TPRG1: variants seen among roughly 807,000 people sequenced by gnomAD.
The protein encoded by TPRG1 is tumor protein p63-regulated gene 1 protein.
In TPRG1, 29 loss-of-function variants were observed where a neutral mutation model predicts 29.3. That is an observed-to-expected ratio of 0.99 (90% confidence interval 0.74 to 1.35). TPRG1 has a LOEUF of 1.35. TPRG1 is among the 40% of genes most tolerant of loss of function. The pLI is 0.00. For missense variants in TPRG1, 327 were observed against 335.0 expected, an observed-to-expected ratio of 0.98 and a Z score of 0.19; for synonymous variants, 130 against 116.8, an observed-to-expected ratio of 1.11 and a Z score of -0.73.
intron 2 of TPRG1, chr3:189,004,454 A>G (rs2152121712): frequency 1.3e-5 from 2 of 152,236 alleles, no homozygotes; most frequent in South Asian, 4.1e-4. Context: ...CAGAAGCCAT[A>G]GTGTTCACCA....
intron 1 of TPRG1, among the ~76,000 whole-genome samples, chr3:189,102,311 T>C (rs1442225467): frequency 6.6e-6 from 1 of 152,202 alleles, no homozygotes; most frequent in Non-Finnish European, 1.5e-5. Context: ...TGACTTTTTA[T>C]CTATCTCCAG....
chr3:189,261,888 T>C (rs867261605), intron 4 of TPRG1, among the ~76,000 whole-genome samples: 1 of 152,144 alleles, frequency 6.6e-6, no homozygotes, highest in African/African-American at 2.4e-5. Flanking sequence ...AGTCTCCCAG[T>C]TGTCTGGGCC....
At chr3:189,108,533 T>G (rs1195583215) in intron 1 of TPRG1, among the ~76,000 whole-genome samples, 4 of 125,106 alleles carry the variant, frequency 3.2e-5, no homozygotes, top group East Asian at 2.0e-4. Flanking sequence ...TTAGAACGTG[T>G]TTTTTTTTTT....
At chr3:189,021,105 T>C (rs1390360483) in intron 3 of TPRG1, among the ~76,000 whole-genome samples, 3 of 146,526 alleles carry the variant, frequency 2.0e-5, no homozygotes, top group Admixed American at 6.9e-5. Context: ...TCCATCCTTT[T>C]ATTTTGAGCC....
At chr3:189,153,729 C>T (rs1025780592) in intron 5 of TPRG1, among the ~76,000 whole-genome samples, 5 of 152,170 alleles carry the variant, frequency 3.3e-5, no homozygotes, top group Admixed American at 3.3e-4. Context: ...CTTGAGTCTA[C>T]CTCAGAGAGC....
chr3:189,150,470 C>G (rs558737392), intron 4 of TPRG1, among the ~76,000 whole-genome samples: 7 of 152,270 alleles, frequency 4.6e-5, no homozygotes, highest in African/African-American at 1.4e-4. Context: ...CATGAGCCAC[C>G]GCGCCGAGAT....
chr3:189,084,576 A>T (rs916659486), intron 4 of TPRG1, among the ~76,000 whole-genome samples: 1 of 152,260 alleles, frequency 6.6e-6, no homozygotes, highest in East Asian at 1.9e-4. Flanking sequence ...TTGCTTAATT[A>T]GGTTAAATAT....
At chr3:188,999,439 C>A (rs1471212093) in intron 1 of TPRG1, among the ~76,000 whole-genome samples, 3 of 152,202 alleles carry the variant, frequency 2.0e-5, no homozygotes, top group Non-Finnish European at 4.4e-5. Context: ...TATGACATTA[C>A]ATATTTCTCC....
intron 4 of TPRG1, among the ~76,000 whole-genome samples, chr3:189,261,805 A>G (rs1402177717): frequency 6.6e-6 from 1 of 152,194 alleles, no homozygotes; most frequent in African/African-American, 2.4e-5. Flanking sequence ...GATGAGCCAA[A>G]CTTGGACAGA....
At chr3:189,168,753 C>T (rs753976706), upstream of TPRG1, among the ~76,000 whole-genome samples, 4 of 152,186 alleles carry the variant, frequency 2.6e-5, no homozygotes, top group Non-Finnish European at 4.4e-5. Context: ...TCCCAAAAGA[C>T]TCCTGGGACA....
At chr3:189,074,199 C>CTTTTTTTT (rs554150288) in intron 4 of TPRG1, among the ~76,000 whole-genome samples, 4 of 68,084 alleles carry the variant, frequency 5.9e-5, no homozygotes, top group Non-Finnish European at 1.1e-4. Flanking sequence ...AATTATTTTC[C>CTTTTTTTT]TTTTTTTTTT....
intron 1 of TPRG1, among the ~76,000 whole-genome samples, chr3:189,112,042 G>A (rs1390899395): frequency 6.6e-6 from 1 of 152,056 alleles, no homozygotes; most frequent in African/African-American, 2.4e-5. Context: ...CTTTCTTTGT[G>A]TCTATTGATA....
intron 3 of TPRG1, among the ~76,000 whole-genome samples, chr3:189,022,514 G>T (rs1211592452): frequency 6.6e-6 from 1 of 151,006 alleles, no homozygotes; most frequent in Non-Finnish European, 1.5e-5. Flanking sequence ...GTGTGCCCCT[G>T]CTGGGGGGTG....
chr3:189,204,950 CA>C (rs1392686774), intron 1 of TPRG1, among the ~76,000 whole-genome samples: 11 of 91,786 alleles, frequency 1.2e-4, no homozygotes, highest in Non-Finnish European at 2.7e-4. Context: ...CTCTCTCTCA[CA>C]CACACACACA....
chr3:189,281,915 C>G (rs111269838), intron 4 of TPRG1, among the ~76,000 whole-genome samples: 2,010 of 152,106 alleles, frequency 0.013, 46 homozygotes, highest in African/African-American at 0.046. Context: ...GAGTCTCTCT[C>G]TGTCGCCCAG....
At chr3:189,312,609 A>T (rs1226182368) in intron 5 of TPRG1, among the ~76,000 whole-genome samples, 1 of 152,204 alleles carries the variant, frequency 6.6e-6, no homozygotes, top group African/African-American at 2.4e-5. Context: ...TGCAGGAAGA[A>T]GTTCAGCGTG....
intron 4 of TPRG1, among the ~76,000 whole-genome samples, chr3:189,071,881 A>G (rs886810210): frequency 3.3e-5 from 5 of 152,212 alleles, no homozygotes; most frequent in African/African-American, 1.2e-4. Context: ...TAAAATCAGC[A>G]CCTAGATCTC....
chr3:189,171,606 A>G (rs182574502), upstream of TPRG1, among the ~76,000 whole-genome samples: 69 of 152,362 alleles, frequency 4.5e-4, no homozygotes, highest in African/African-American at 1.6e-3. Context: ...ATTTTTGACA[A>G]GAGTGGTAGT....
intron 4 of TPRG1, among the ~76,000 whole-genome samples, chr3:189,076,624 G>A (rs958559946): frequency 6.6e-6 from 1 of 151,896 alleles, no homozygotes; most frequent in African/African-American, 2.4e-5. Context: ...GTTCCATATG[G>A]AACACTGTTG....
Sources: gnomAD v4.1 joint callset for allele counts (sites outside exome capture counted in the v4.1 genomes callset) on GRCh38, gnomAD v4.1.1 for gene constraint, MANE v1.5 for transcripts, NCBI Gene and HGNC (gene_info 2026-07-23, HGNC 2026-07-21) for gene names.